The following FAM83A variants were observed in gnomAD, a reference collection of about 807,000 sequenced individuals.
The protein encoded by FAM83A is scaffolding CK1 anchoring protein A, also known as protein FAM83A.
In FAM83A, 21 loss-of-function variants were observed where a neutral mutation model predicts 24.4. The observed-to-expected ratio is 0.86, with a 90% CI of 0.61 to 1.24. The LOEUF (loss-of-function observed/expected upper bound fraction) is 1.24, where lower values mean the gene tolerates loss of function less well. Ranked by LOEUF, FAM83A falls within the 50% of genes most tolerant of loss-of-function variation. The pLI, the probability that FAM83A is intolerant of heterozygous loss-of-function variation, is 0.00. For synonymous variants in FAM83A, 270 were observed against 252.4 expected, an observed-to-expected ratio of 1.07 and a Z score of -0.66; for missense variants, 617 against 579.8, an observed-to-expected ratio of 1.06 and a Z score of -0.66.
intron 3 of FAM83A, among the ~76,000 whole-genome samples, chr8:123,198,160 C>A (rs190932854): frequency 1.4e-3 from 218 of 152,104 alleles, no homozygotes; most frequent in African/African-American, 5.2e-3. Flanking sequence ...ATAAAGTGAT[C>A]TGAACTTCAG....
At chr8:123,190,950 T>G (rs1194859920) in intron 1 of FAM83A, among the ~76,000 whole-genome samples, 1 of 152,210 alleles carries the variant, frequency 6.6e-6, no homozygotes, top group Non-Finnish European at 1.5e-5. Flanking sequence ...AGTCCTGGGC[T>G]GACTCTTATT....
chr8:123,206,991 T>TC (rs1453013871), intron 3 of FAM83A, among the ~76,000 whole-genome samples, 166 bp from the exon 4 acceptor site: 1 of 84,598 alleles, frequency 1.2e-5, no homozygotes, highest in Non-Finnish European at 2.3e-5. Context: ...CCACTTCCCT[T>TC]CCCCCTCCCC....
chr8:123,203,623 GA>G (rs1221774476), intron 3 of FAM83A, among the ~76,000 whole-genome samples: 11 of 133,328 alleles, frequency 8.3e-5, no homozygotes, highest in Non-Finnish European at 1.3e-4. Context: ...GAAAAGAAAA[GA>G]AAAAAAGAAA....
chr8:123,207,727 G>T, exon 4 of FAM83A: 1 of 1,427,764 alleles, frequency 7.0e-7, no homozygotes, highest in East Asian at 2.6e-5. Flanking sequence ...GCCCAGGGCT[G>T]GGCACTCCCT....
intron 1 of FAM83A, 61 bp downstream of exon 1, chr8:123,183,397 G>A (rs1823682848): frequency 6.4e-7 from 1 of 1,556,240 alleles, no homozygotes; most frequent in Non-Finnish European, 8.7e-7. Flanking sequence ...GGGGCTGATA[G>A]AGCAGGGAGG....
At chr8:123,183,122 A>G in exon 1 of FAM83A, 1 of 1,613,826 alleles carries the variant, frequency 6.2e-7, no homozygotes, top group Non-Finnish European at 8.5e-7. Context: ...GGAGGGGCGG[A>G]AGCAGGCCCT....
At chr8:123,207,382 C>T (rs757368939) in exon 4 of FAM83A, 4 of 1,611,636 alleles carry the variant, frequency 2.5e-6, no homozygotes, top group Non-Finnish European at 1.7e-6. Context: ...CGTCCTCCAA[C>T]CCCTTCAGCG....
At position 123,209,075 on chromosome 8, in the gene FAM83A, G is replaced by GGT. The variant is rs1342539674; in HGVS notation, c.*1391_*1392dup. 17 of 1,008,364 alleles carry GGT rather than the reference G, an allele frequency of 1.7e-5. No homozygotes were observed. The South Asian group carries it at 4.8e-4, about 29-fold the overall frequency. 62.5% of individuals were successfully genotyped at this position (1,008,364 alleles called of 1,614,324 possible). A position where few individuals can be genotyped will look rare whatever the true frequency, so the allele number is the denominator to read the frequency against. Reference sequence around the variant, plus strand: ...AAGTAAGAGTTAACCCTGCACCTCAGGTGTGATAGTGGGGTCAGTGGTATG... The same window carrying GGT: ...AAGTAAGAGTTAACCCTGCACCTCAGGTGTGTGATAGTGGGGTCAGTGGTATG... On this transcript the variant is annotated 3_prime_UTR_variant, in exon 4 of 4. Coordinates refer to ENST00000690554, the Ensembl canonical transcript of FAM83A. The surrounding 1 kb of genome is among the most constrained non-coding windows in gnomAD (Gnocchi z 4.7).
intron 1 of FAM83A, among the ~76,000 whole-genome samples, chr8:123,189,596 T>C (rs1214857610): frequency 2.0e-5 from 3 of 152,204 alleles, no homozygotes; most frequent in Non-Finnish European, 4.4e-5. Flanking sequence ...CTGAGATAGA[T>C]GCATATCTGA....
At position 123,185,513 on chromosome 8, in the gene FAM83A, C is replaced by T. The variant is rs554987132; in HGVS notation, c.480+2177C>T. ...GCTGATGTCCTTTGGACCAACACAGCGTGTTACGAACTTAGGACAACACTT... is the reference window on the plus strand; with the variant it reads ...GCTGATGTCCTTTGGACCAACACAGTGTGTTACGAACTTAGGACAACACTT... On this transcript the variant is annotated intron_variant, in intron 1 of 3. Coordinates refer to ENST00000690554, the Ensembl canonical transcript of FAM83A. Among the ~76,000 whole-genome samples the T allele has an allele frequency of 2.6e-5, 4 of 152,294 alleles. No individual in the cohort carries two copies. In the South Asian group the frequency reaches 6.2e-4, roughly 24 times the overall value.
At chr8:123,207,647 C>T in exon 4 of FAM83A, 1 of 1,542,048 alleles carries the variant, frequency 6.5e-7, no homozygotes, top group Non-Finnish European at 8.7e-7. Flanking sequence ...GAGGCTGACT[C>T]CAACCTGGAG....
intron 1 of FAM83A, 95 bp downstream of exon 1, chr8:123,183,431 G>A (rs962461257): frequency 9.9e-6 from 15 of 1,513,174 alleles, no homozygotes; most frequent in South Asian, 3.9e-5. Flanking sequence ...CTCCCAGGGC[G>A]AGAGTCCAGA....
chr8:123,181,246 C>T (rs1373028018), upstream of FAM83A, among the ~76,000 whole-genome samples: 1 of 152,166 alleles, frequency 6.6e-6, no homozygotes, highest in African/African-American at 2.4e-5. Context: ...TGCACCCAGC[C>T]GCGCCACACT....
At chr8:123,208,921 A>G in exon 4 of FAM83A, 1 of 980,824 alleles carries the variant, frequency 1.0e-6, no homozygotes, top group African/African-American at 1.8e-5. Flanking sequence ...CTGAGATTGC[A>G]TCACTGCACT....
At chr8:123,191,687 C>A in intron 1 of FAM83A, 116 bp from the exon 2 acceptor site, 1 of 1,099,968 alleles carries the variant, frequency 9.1e-7, no homozygotes, top group East Asian at 2.4e-5. Flanking sequence ...ATCCTCTCCC[C>A]TCTGGCCCAA....
At chr8:123,204,164 G>A (rs1824461081) in intron 3 of FAM83A, among the ~76,000 whole-genome samples, 1 of 151,878 alleles carries the variant, frequency 6.6e-6, no homozygotes, top group Non-Finnish European at 1.5e-5. Context: ...TGTAATCTCA[G>A]CACTTCGGGA....
chr8:123,208,643 G>A, exon 4 of FAM83A: 1 of 985,506 alleles, frequency 1.0e-6, no homozygotes, highest in Non-Finnish European at 1.2e-6. Flanking sequence ...TTCTGGGGTG[G>A]AACTAGGTCC....
At chr8:123,198,064 T>C (rs983025950) in intron 3 of FAM83A, among the ~76,000 whole-genome samples, 4 of 152,082 alleles carry the variant, frequency 2.6e-5, no homozygotes, top group African/African-American at 9.7e-5. Flanking sequence ...CTGGGAGGCG[T>C]AGGCTGCAGT....
chr8:123,184,243 G>T (rs1823717927), intron 1 of FAM83A, among the ~76,000 whole-genome samples: 1 of 152,014 alleles, frequency 6.6e-6, no homozygotes, highest in African/African-American at 2.4e-5. Flanking sequence ...CAGCATGAAA[G>T]CCTCTTCCCC....
Sources: gnomAD v4.1 joint callset for allele counts (sites outside exome capture counted in the v4.1 genomes callset) on GRCh38, gnomAD v4.1.1 for gene constraint, Gnocchi (gnomAD v3.1) non-coding constraint, MANE v1.5 for transcripts, NCBI Gene and HGNC (gene_info 2026-07-23, HGNC 2026-07-21) for gene names.